CAMK1: variants seen among roughly 807,000 people sequenced by gnomAD.
The protein encoded by CAMK1 is calcium/calmodulin-dependent protein kinase type 1.
CAMK1 carries 39 observed loss-of-function variants against 49.1 expected under a neutral mutation model. The observed-to-expected ratio is 0.79, with a 90% CI of 0.62 to 1.04. The LOEUF is 1.04. Among genes scored for constraint, CAMK1 ranks in the 50% least tolerant of loss-of-function variants. The pLI is 0.00. For missense variants in CAMK1, 457 were observed against 472.2 expected (o/e 0.97, Z 0.30); for synonymous variants, 192 against 185.2 (o/e 1.04, Z -0.30).
At chr3:9,768,382 G>A (rs150311682) in intron 1 of CAMK1, among the ~76,000 whole-genome samples, 4,252 of 152,288 alleles carry the variant, frequency 0.028, 101 homozygotes, top group South Asian at 0.093. Context: ...TCTGGGTCCC[G>A]GGAGCATGAG....
Position 9,757,758 on chromosome 3 carries a change from T to C in CAMK1, c.1001A>G (p.His334Arg). 6.2e-7 allele frequency: 1 copy of C among 1,614,160 alleles called. No individual in the cohort carries two copies. The highest frequency in any genetic ancestry group is 1.3e-5 in the African/African-American group (1 of 75,046). Residue 334 changes from histidine (H) to arginine (R), a missense_variant, in exon 11 of 12, where the codon CAT (histidine) becomes CGT (arginine). Physicochemically the swap from His to Arg is conservative, Grantham distance 29. Transcript: ENST00000256460. The surrounding 1 kb of genome is among the most constrained non-coding windows in gnomAD (Gnocchi z 4.5). ...SQEGQGQTAS[H>R]GELLTPVAGG... ...AGCCACTGGTGTCAGCAGCTCCCCATGGCTCGCCGTCTGCCCCTGCCCCTC... is the reference window on the plus strand; with the variant it reads ...AGCCACTGGTGTCAGCAGCTCCCCACGGCTCGCCGTCTGCCCCTGCCCCTC...
At chr3:9,768,499 T>TC (rs1390691567) in intron 1 of CAMK1, among the ~76,000 whole-genome samples, 9 of 152,306 alleles carry the variant, frequency 5.9e-5, no homozygotes, top group African/African-American at 1.9e-4. Context: ...GTGGGAGTTC[T>TC]CTCCCATTTA....
chr3:9,757,746 A>G lies in CAMK1; in HGVS notation c.1013T>C (p.Leu338Pro). The part of the protein sequence containing the change: ...QGQTASHGEL[L>P]TPVAGGPAAG... ...CTCCTCACCCCCAGCCACTGGTGTC[A>G]GCAGCTCCCCATGGCTCGCCGTCTG... The change falls in exon 11 of 12, where the codon CTG becomes CCG. Residue 338 changes from leucine (L) to proline (P), a missense_variant. Coordinates refer to ENST00000256460, the MANE Select transcript of CAMK1 (RefSeq NM_003656.5). The surrounding 1 kb of genome is among the most constrained non-coding windows in gnomAD (Gnocchi z 4.5). 1 of 1,614,172 alleles carries G rather than the reference A, an allele frequency of 6.2e-7. No homozygotes were observed.
In CAMK1 at chr3:9,757,644, G is replaced by T; in HGVS notation, c.1031-23C>A. ...GCCCTGCATGGGAAGACAGAACAGA[G>T]GTGGCCGCAGGGGCAGGCCCTCCAC... is the stretch of plus-strand genomic sequence containing the variant. On this transcript the variant is annotated intron_variant, in intron 11 of 11. Transcript: ENST00000256460. The surrounding 1 kb of genome is among the most constrained non-coding windows in gnomAD (Gnocchi z 4.5). 6.2e-7 allele frequency: 1 copy of T among 1,614,114 alleles called. No individual in the cohort carries two copies. Among genetic ancestry groups the T allele is most frequent in the Non-Finnish European group, 8.5e-7 (1 of 1,180,008 alleles).
chr3:9,763,806 C>A (rs887919959), intron 3 of CAMK1, among the ~76,000 whole-genome samples: 1 of 151,958 alleles, frequency 6.6e-6, no homozygotes, highest in Non-Finnish European at 1.5e-5. Flanking sequence ...GCCAACATGG[C>A]GAAAACCCAT....
chr3:9,766,143 T>C, intron 2 of CAMK1: 1 of 1,061,202 alleles, frequency 9.4e-7, no homozygotes, highest in Non-Finnish European at 1.4e-6. Flanking sequence ...TGAGAATGAG[T>C]CTCCTGTTGA....
chr3:9,766,496 A>G (rs1186965589), intron 2 of CAMK1: 4 of 420,282 alleles, frequency 9.5e-6, no homozygotes, highest in East Asian at 1.4e-4. Context: ...AAAGAAAAAA[A>G]AAAGAAATGC....
chr3:9,767,828 G>C, intron 1 of CAMK1, 47 bp from the exon 2 acceptor site: 2 of 1,572,228 alleles, frequency 1.3e-6, no homozygotes, highest in Non-Finnish European at 1.7e-6. Context: ...CCAGCCCTCT[G>C]TCTGGGAATT....
chr3:9,767,390 T>C (rs2078183453), intron 2 of CAMK1, among the ~76,000 whole-genome samples: 1 of 152,220 alleles, frequency 6.6e-6, no homozygotes, highest in Non-Finnish European at 1.5e-5. Flanking sequence ...AAACCTAGGC[T>C]AGAACACTTA....
chr3:9,760,726 T>G lies in CAMK1; in HGVS notation c.675A>C (p.Lys225Asn). ...CGGCCTTCAAAATCTGTTCAAAGAGTTTGGCATCATTCTCGTCATAGAAGG... is the reference window on the plus strand; with the variant it reads ...CGGCCTTCAAAATCTGTTCAAAGAGGTTGGCATCATTCTCGTCATAGAAGG... ...YPPFYDENDA[K>N]LFEQILKAEY... The change falls in exon 8 of 12, where the codon AAA becomes AAC. Residue 225 changes from lysine (K) to asparagine (N), a missense_variant. Physicochemically the swap from Lys to Asn is moderately conservative, Grantham distance 94. Transcript: ENST00000256460. 1.2e-6 allele frequency: 2 copies of G among 1,613,840 alleles called. No homozygotes were observed. The highest frequency in any genetic ancestry group is 1.7e-6 in the Non-Finnish European group (2 of 1,179,930).
Position 9,765,776 on chromosome 3 carries a change from C to G in CAMK1, c.198G>C (p.Glu66Asp). Residue 66 changes from glutamate to aspartate, a missense_variant, in exon 3 of 12, where the codon GAG becomes GAC. Physicochemically the swap from Glu to Asp is conservative, Grantham distance 45 (BLOSUM62 2). Coordinates refer to ENST00000256460, the MANE Select transcript of CAMK1 (RefSeq NM_003656.5). ...LEGKEGSMEN[E>D]IAVLHKIKHP... is the part of the protein sequence containing the mutation. ...CCACGCACTTGTGCAGGACAGCAAT[C>G]TCATTCTCCATGCTGCCTTCCTTGC... 1 of 1,614,072 alleles carries G rather than the reference C, an allele frequency of 6.2e-7. No individual in the cohort carries two copies. The highest frequency in any genetic ancestry group is 1.3e-5 in the African/African-American group (1 of 75,068).
At chr3:9,762,267 C>G (rs991137490) in intron 5 of CAMK1, 1 of 153,702 alleles carries the variant, frequency 6.5e-6, no homozygotes, top group African/African-American at 2.4e-5. Flanking sequence ...TCGCTATTTC[C>G]GAGGAGTAGG....
At position 9,760,770 on chromosome 3, in the gene CAMK1, T is replaced by A; in HGVS notation, c.633-2A>T. The stretch of plus-strand genomic sequence containing the variant: ...TAGAAGGGAGGGTAACCGCAGAGCC[T>A]GGGCAGGGAGAAACTCATCCTCATT... On this transcript the variant is annotated splice_acceptor_variant, in intron 7 of 11. Coordinates refer to ENST00000256460, the MANE Select transcript of CAMK1 (RefSeq NM_003656.5). LOFTEE classifies it high-confidence loss of function. The A allele has an allele frequency of 6.2e-7, 1 of 1,613,962 alleles. No individual in the cohort carries two copies. Among genetic ancestry groups the A allele is most frequent in the Non-Finnish European group, 8.5e-7 (1 of 1,179,896 alleles).
intron 3 of CAMK1, among the ~76,000 whole-genome samples, chr3:9,764,557 C>T (rs2078046698): frequency 6.6e-6 from 1 of 151,186 alleles, no homozygotes; most frequent in African/African-American, 2.4e-5. Context: ...GGTGATCTGC[C>T]CACTTCAGCC....
chr3:9,766,131 T>G (rs1410929394), intron 2 of CAMK1: 1 of 1,158,110 alleles, frequency 8.6e-7, no homozygotes, highest in African/African-American at 1.5e-5. Flanking sequence ...TTACTAGCAC[T>G]TTGAGAATGA....
intron 7 of CAMK1, chr3:9,761,104 C>A: frequency 2.9e-6 from 1 of 348,844 alleles, no homozygotes; most frequent in Non-Finnish European, 5.3e-6. Flanking sequence ...ATGGCATCAC[C>A]CCGTCTCCCT....
chr3:9,763,946 A>C (rs2078014930), intron 3 of CAMK1, among the ~76,000 whole-genome samples: 1 of 152,182 alleles, frequency 6.6e-6, no homozygotes, highest in African/African-American at 2.4e-5. Context: ...AGATCATGCC[A>C]TTACACTCCA....
chr3:9,767,660 G>A lies in CAMK1; in HGVS notation c.83+7C>T. On this transcript the variant is annotated splice_region_variant and intron_variant, in intron 2 of 11. Coordinates refer to ENST00000256460, the MANE Select transcript of CAMK1 (RefSeq NM_003656.5). Reference sequence around the variant, plus strand: ...CCATCCAGCACCCAATCCTGCCCTGGACTCACGTGCCCAGAACATCTCGGA... The same window carrying A: ...CCATCCAGCACCCAATCCTGCCCTGAACTCACGTGCCCAGAACATCTCGGA... 1.2e-6 allele frequency: 2 copies of A among 1,613,874 alleles called. No individual in the cohort carries two copies. Among genetic ancestry groups the A allele is most frequent in the Non-Finnish European group, 1.7e-6 (2 of 1,179,902 alleles).
rs753967585 is a variant in CAMK1, at chr3:9,760,651, A to G, written c.745+5T>C. On this transcript the variant is annotated splice_donor_5th_base_variant and intron_variant, in intron 8 of 11. Transcript: ENST00000256460. ...CCCAGGGGAAAAAAGCAAAGCCCCA[A>G]ATACCAGAGTCAGAGATGTCGTCCC... is the stretch of plus-strand genomic sequence containing the variant. 1 of 1,613,826 alleles carries G rather than the reference A, an allele frequency of 6.2e-7. No homozygotes were observed. The highest frequency in any genetic ancestry group is 1.1e-5 in the South Asian group (1 of 91,060).
Sources: gnomAD v4.1 joint callset for allele counts (sites outside exome capture counted in the v4.1 genomes callset) on GRCh38, gnomAD v4.1.1 for gene constraint, Gnocchi (gnomAD v3.1) non-coding constraint, MANE v1.5 for transcripts, NCBI Gene and HGNC (gene_info 2026-07-23, HGNC 2026-07-21) for gene names.